ROBO2: variants seen among roughly 807,000 people sequenced by gnomAD.
The protein encoded by ROBO2 is roundabout guidance receptor 2, also known as roundabout homolog 2.
ROBO2 carries 53 observed loss-of-function variants against 160.8 expected under a neutral mutation model. The ratio of observed to expected loss-of-function variants is 0.33; its 90% CI spans 0.26 to 0.41. The LOEUF (loss-of-function observed/expected upper bound fraction) is 0.41, where lower values mean the gene tolerates loss of function less well. Ranked by LOEUF, ROBO2 falls within the 10% of genes least tolerant of loss-of-function variation. The pLI is 1.00. For synonymous variants in ROBO2, 664 were observed against 611.7 expected (o/e 1.09, Z -1.26); for missense variants, 1,577 against 1,722.4 (o/e 0.92, Z 1.49).
chr3:77,138,173 G>T lies in ROBO2; in HGVS notation c.388+39833G>T, dbSNP rs1407344184. 1.3e-5 allele frequency among the ~76,000 whole-genome samples: 2 copies of T among 152,082 alleles called. 1 individual carries two copies. On this transcript the variant is annotated intron_variant, in intron 2 of 25. Coordinates refer to ENST00000461745, the Ensembl canonical transcript of ROBO2. Reference sequence around the variant, plus strand: ...CTTACCAGCACTATAAGCAATTTTAGTTTCTCACTAGTTTTCATTTGCTTT... The same window carrying T: ...CTTACCAGCACTATAAGCAATTTTATTTTCTCACTAGTTTTCATTTGCTTT...
rs547890068 is a variant in ROBO2 at position 76,639,260 on chromosome 3, ATGTT to A, written c.110-458752_110-458749del. Among the ~76,000 whole-genome samples the A allele has an allele frequency of 7.1e-3, 1,083 of 152,136 alleles. 7 individuals carry two copies. The highest frequency in any genetic ancestry group is 0.012 in the Non-Finnish European group (831 of 68,008). ...GACGTGCATATGTATATTTATATGT[ATGTT>A]TATATGTACATATACATATAGGTAT... On this transcript the variant is annotated intron_variant, in intron 2 of 26. Transcript: ENST00000487694.
At position 77,017,976 on chromosome 3, in the gene ROBO2, A is replaced by G. The variant is rs543673072; in HGVS notation, c.110-80038A>G. On this transcript the variant is annotated intron_variant, in intron 2 of 26. Coordinates refer to the ROBO2 transcript ENST00000487694. ...TCCAATAATGGAACACTAGGCATAA[A>G]TTGGGTAATAGAATGTGGAAAGCCT... 2.2e-4 allele frequency among the ~76,000 whole-genome samples: 33 copies of G among 152,322 alleles called. No homozygotes were observed. In the East Asian group the frequency reaches 5.4e-3, roughly 25 times the overall value.
intron 2 of ROBO2, among the ~76,000 whole-genome samples, chr3:76,639,671 A>G (rs1019488390): frequency 6.6e-6 from 1 of 152,172 alleles, no homozygotes; most frequent in African/African-American, 2.4e-5. Context: ...AGAGGTTGGT[A>G]GAGGGAGAGA....
At chr3:76,981,920 C>T (rs1403769716) in intron 2 of ROBO2, among the ~76,000 whole-genome samples, 1 of 152,114 alleles carries the variant, frequency 6.6e-6, no homozygotes, top group African/African-American at 2.4e-5. Context: ...CACTATCTTA[C>T]AGGCAGCACC....
At chr3:76,263,621 GA>G (rs1706909264) in intron 2 of ROBO2, among the ~76,000 whole-genome samples, 1 of 152,090 alleles carries the variant, frequency 6.6e-6, no homozygotes, top group African/African-American at 2.4e-5. Flanking sequence ...AACAAGTAAT[GA>G]AAACTTTAAT....
chr3:77,357,350 A>T (rs1581306417), intron 2 of ROBO2, among the ~76,000 whole-genome samples: 1 of 152,024 alleles, frequency 6.6e-6, no homozygotes, highest in African/African-American at 2.4e-5. Flanking sequence ...TGATGAAAGG[A>T]TGAGTTCGGC....
At chr3:76,693,272 CTCTA>C (rs1178477834) in intron 2 of ROBO2, among the ~76,000 whole-genome samples, 1 of 113,078 alleles carries the variant, frequency 8.8e-6, no homozygotes, top group Non-Finnish European at 1.8e-5. Flanking sequence ...ATGTCTCTCT[CTCTA>C]TATATAGTGT....
chr3:77,075,672 C>CTTTTTT (rs1174587812), intron 1 of ROBO2, among the ~76,000 whole-genome samples: 125 of 87,230 alleles, frequency 1.4e-3, no homozygotes, highest in African/African-American at 1.9e-3. Flanking sequence ...TTTCTTTCTC[C>CTTTTTT]TTTTTTTTTT....
chr3:76,998,652 T>C (rs2061165415), intron 2 of ROBO2, among the ~76,000 whole-genome samples: 1 of 152,224 alleles, frequency 6.6e-6, no homozygotes, highest in Non-Finnish European at 1.5e-5. Flanking sequence ...GAAAAAGTTA[T>C]ACAGGTAATT....
At chr3:76,852,014 A>G (rs2069453963) in intron 2 of ROBO2, among the ~76,000 whole-genome samples, 1 of 152,096 alleles carries the variant, frequency 6.6e-6, no homozygotes, top group Non-Finnish European at 1.5e-5. Context: ...TAAAAAAGAC[A>G]GTCACCCATG....
chr3:77,472,239 G>A (rs897364407), intron 2 of ROBO2, among the ~76,000 whole-genome samples: 2 of 152,114 alleles, frequency 1.3e-5, no homozygotes, highest in South Asian at 2.1e-4. Flanking sequence ...TCATGCTCAA[G>A]GGGAGGGGAT....
At chr3:77,128,294 C>G (rs2075528656) in intron 2 of ROBO2, among the ~76,000 whole-genome samples, 1 of 152,146 alleles carries the variant, frequency 6.6e-6, no homozygotes, top group Admixed American at 6.6e-5. Context: ...GTAGTCCTTT[C>G]CTCATTGCTT....
chr3:77,002,709 C>T (rs1301524209), intron 2 of ROBO2, among the ~76,000 whole-genome samples: 1 of 152,026 alleles, frequency 6.6e-6, no homozygotes, highest in Non-Finnish European at 1.5e-5. Flanking sequence ...ATCTTTTTGT[C>T]TCAGTCTCTA....
intron 2 of ROBO2, among the ~76,000 whole-genome samples, chr3:76,023,245 C>T (rs1185325866): frequency 1.3e-5 from 2 of 151,684 alleles, no homozygotes; most frequent in South Asian, 2.1e-4. Context: ...CATTTGTTCA[C>T]TGTAGTAGCA....
At chr3:76,604,904 T>C (rs1398859492) in intron 2 of ROBO2, among the ~76,000 whole-genome samples, 4 of 152,176 alleles carry the variant, frequency 2.6e-5, no homozygotes, top group East Asian at 1.9e-4. Context: ...ATCAAATAGA[T>C]AGCTTTTACA....
chr3:77,292,214 A>G (rs1418796018), intron 2 of ROBO2, among the ~76,000 whole-genome samples: 4 of 151,134 alleles, frequency 2.6e-5, no homozygotes, highest in Non-Finnish European at 1.5e-5. Flanking sequence ...TAAACGGGTA[A>G]GCTGAGGCTA....
chr3:76,554,153 G>A (rs947960788), intron 2 of ROBO2, among the ~76,000 whole-genome samples: 1 of 152,168 alleles, frequency 6.6e-6, no homozygotes, highest in African/African-American at 2.4e-5. Flanking sequence ...AAAACATATT[G>A]TATAACTTGT....
chr3:76,845,840 T>C (rs577633334), intron 2 of ROBO2, among the ~76,000 whole-genome samples: 348 of 152,244 alleles, frequency 2.3e-3, no homozygotes, highest in Non-Finnish European at 3.6e-3. Flanking sequence ...TATATTCTCA[T>C]TCTTTTCCTC....
chr3:77,639,767 CAT>C (rs2095320289), intron 24 of ROBO2, among the ~76,000 whole-genome samples: 1 of 152,076 alleles, frequency 6.6e-6, no homozygotes, highest in African/African-American at 2.4e-5. Flanking sequence ...TGTGTGCATG[CAT>C]GTGTGTGTGT....
Sources: gnomAD v4.1 joint callset for allele counts (sites outside exome capture counted in the v4.1 genomes callset) on GRCh38, gnomAD v4.1.1 for gene constraint, MANE v1.5 for transcripts, NCBI Gene and HGNC (gene_info 2026-07-23, HGNC 2026-07-21) for gene names.